Variants in ABCC9 observed in about 807,000 individuals in gnomAD.
The protein encoded by ABCC9 is ATP binding cassette subfamily C member 9.
A neutral mutation model predicts 188.3 loss-of-function variants in ABCC9; 95 were observed. The observed-to-expected ratio is 0.50, with a 90% confidence interval of 0.43 to 0.60. The LOEUF is 0.60. Ranked by LOEUF, ABCC9 falls within the 20% of genes least tolerant of loss-of-function variation. ABCC9 has a pLI of 0.00. For synonymous variants in ABCC9, 659 were observed against 652.7 expected, an observed-to-expected ratio of 1.01 and a Z score of -0.15; for missense variants, 1,102 against 1,876.3, an observed-to-expected ratio of 0.59 and a Z score of 7.62.
chr12:21,828,329 T>TTG, intron 31 of ABCC9: 1 of 155,660 alleles, frequency 6.4e-6, no homozygotes, highest in East Asian at 1.9e-4. Flanking sequence ...GAAAGACATT[T>TTG]CTTGAATGCA....
At chr12:21,844,701 C>G (rs1944550717) in intron 27 of ABCC9, 66 bp downstream of exon 27, 1 of 1,602,482 alleles carries the variant, frequency 6.2e-7, no homozygotes, top group Non-Finnish European at 8.5e-7. Context: ...TCACATTCCA[C>G]TTAAATTGAA....
At chr12:21,853,140 C>A (rs535464288) in intron 22 of ABCC9, among the ~76,000 whole-genome samples, 22 of 152,174 alleles carry the variant, frequency 1.4e-4, no homozygotes, top group African/African-American at 4.6e-4. Context: ...CATGGTGAAG[C>A]CCTGTCCTAC....
chr12:21,864,438 C>G lies in ABCC9; in HGVS notation c.2237+1G>C, dbSNP rs1178925696. ...AACTCAGGTTAAAATAGAAATAATA[C>G]CTTCTGGTTGCTTCAAAAGAAGGCT... On this transcript the variant is annotated splice_donor_variant, in intron 19 of 39. Transcript: ENST00000261200. LOFTEE classifies it high-confidence loss of function. 1 of 1,580,488 alleles carries G rather than the reference C, an allele frequency of 6.3e-7. No individual in the cohort carries two copies. Among genetic ancestry groups the G allele is most frequent in the African/African-American group, 1.3e-5 (1 of 74,144 alleles).
Position 21,896,083 on chromosome 12 carries a change from T to C in ABCC9, c.1619-768A>G, listed in dbSNP as rs549630198. ...GAGAAGCTAGAATCTAATTTTCTTTTTTTTTTTTTTTTTTTACTTTTCTTT... is the reference window on the plus strand; with the variant it reads ...GAGAAGCTAGAATCTAATTTTCTTTCTTTTTTTTTTTTTTTACTTTTCTTT... On this transcript the variant is annotated intron_variant, in intron 12 of 39. Transcript: ENST00000261200. 5.3e-3 allele frequency among the ~76,000 whole-genome samples: 416 copies of C among 77,768 alleles called. 4 individuals carry two copies. Among genetic ancestry groups the C allele is most frequent in the African/African-American group, 0.013 (396 of 29,432 alleles). The allele number at this position is 77,768 out of a possible 152,430, so 51.0% of individuals were successfully genotyped here. A position where few individuals can be genotyped will look rare whatever the true frequency, so the allele number is the denominator to read the frequency against.
rs1488726376 is a variant in ABCC9, at chr12:21,863,037, A to C, written c.2255T>G (p.Val752Gly). ...CCAAGGCTTTTGAGCTGCATATGCC[A>C]CAGAGTACCTGTTCCTACTGAAAAA... Reference protein sequence around the residue: ...EATRSRNRYSVAYAAQKPWLL... With the variant: ...EATRSRNRYSGAYAAQKPWLL... Residue 752 changes from valine to glycine, a missense_variant, in exon 20 of 40, where the codon GTG (valine) becomes GGG (glycine). By Grantham distance (109) the Val-to-Gly change is moderately radical (BLOSUM62 -3). Around this residue, in one of 12 missense-constraint regions of ABCC9, gnomAD observed 258 missense variants for 325.6 expected, o/e 0.79. Coordinates refer to ENST00000261200, the MANE Select transcript of ABCC9 (RefSeq NM_020297.4). 6.2e-7 allele frequency: 1 copy of C among 1,610,832 alleles called. No homozygotes were observed. The highest frequency in any genetic ancestry group is 2.2e-5 in the East Asian group (1 of 44,812).
At chr12:21,802,611 C>T (rs1941533083) in intron 39 of ABCC9, among the ~76,000 whole-genome samples, 1 of 152,148 alleles carries the variant, frequency 6.6e-6, no homozygotes, top group Non-Finnish European at 1.5e-5. Context: ...TGGCACTTCT[C>T]AATTCGAACT....
Position 21,857,001 on chromosome 12 carries a change from A to C in ABCC9, c.2505+2585T>G, listed in dbSNP as rs550744606. Among the ~76,000 whole-genome samples, 57 of 152,322 alleles carry C rather than the reference A, an allele frequency of 3.7e-4. 1 individual carries two copies. The highest frequency in any genetic ancestry group is 1.3e-3 in the African/African-American group (55 of 41,588). ...CTCTCTCAGCACTGTGATGAGAATC[A>C]AATGGGATAATACTGTACCTTGTGA... is the stretch of plus-strand genomic sequence containing the variant. On this transcript the variant is annotated intron_variant, in intron 22 of 39. Coordinates refer to ENST00000261200, the MANE Select transcript of ABCC9 (RefSeq NM_020297.4).
At chr12:21,841,347 CTTTTTTTTTTTTTTTT>C (rs1174314931) in intron 29 of ABCC9, among the ~76,000 whole-genome samples, 3 of 19,604 alleles carry the variant, frequency 1.5e-4, no homozygotes, top group Non-Finnish European at 2.8e-4. Context: ...TTCTGGTTTC[CTTTTTTTTTTTTTTTT>C]TTTTTTTTTT....
intron 9 of ABCC9, 21 bp from the exon 10 acceptor site, chr12:21,910,333 AGTAC>A: frequency 6.4e-7 from 1 of 1,560,076 alleles, no homozygotes; most frequent in Non-Finnish European, 8.7e-7. Flanking sequence ...AAAAAAAAAG[AGTAC>A]ATAAAGCTCT....
intron 30 of ABCC9, among the ~76,000 whole-genome samples, chr12:21,830,927 C>T (rs1243865484): frequency 6.6e-6 from 1 of 151,910 alleles, no homozygotes; most frequent in Admixed American, 6.6e-5. Flanking sequence ...GGGGGATGTT[C>T]AAAGGGTTAT....
intron 5 of ABCC9, among the ~76,000 whole-genome samples, chr12:21,919,075 A>G (rs1340330559): frequency 2.0e-5 from 3 of 152,150 alleles, no homozygotes; most frequent in Non-Finnish European, 4.4e-5. Context: ...AGGAAAATTT[A>G]CAGCTTTAGA....
chr12:21,867,219 G>A (rs1340967748), intron 18 of ABCC9, among the ~76,000 whole-genome samples: 2 of 151,912 alleles, frequency 1.3e-5, no homozygotes, highest in Non-Finnish European at 2.9e-5. Flanking sequence ...TACCTATTCC[G>A]GCCCTCTCAC....
intron 36 of ABCC9, 100 bp downstream of exon 36, chr12:21,811,949 T>C: frequency 1.2e-6 from 1 of 821,138 alleles, no homozygotes. Context: ...TGCCTTGATA[T>C]CAGTTCACTC....
intron 24 of ABCC9, among the ~76,000 whole-genome samples, chr12:21,850,454 C>T (rs1343453411): frequency 2.0e-5 from 3 of 152,226 alleles, no homozygotes; most frequent in Middle Eastern, 3.4e-3. Flanking sequence ...ATTCTGGCTT[C>T]TACTGGCTGC....
rs951063618 is a variant in ABCC9, at chr12:21,809,725, T to A, written c.4315+127A>T. 35 of 661,524 alleles carry A rather than the reference T, an allele frequency of 5.3e-5. 1 individual carries two copies. The East Asian group carries it at 9.5e-4, about 18-fold the overall frequency. The allele number at this position is 661,524 out of a possible 1,614,324, so 41.0% of individuals were successfully genotyped here. On this transcript the variant is annotated intron_variant, in intron 37 of 39. Coordinates refer to ENST00000261200, the MANE Select transcript of ABCC9 (RefSeq NM_020297.4). ...GATTTTGAAATATTCTAATGACTTTTAGGATATTATTTTAAATATAAGGGG... is the reference window on the plus strand; with the variant it reads ...GATTTTGAAATATTCTAATGACTTTAAGGATATTATTTTAAATATAAGGGG...
At chr12:21,924,195 G>A (rs913271995) in intron 5 of ABCC9, 1 of 191,042 alleles carries the variant, frequency 5.2e-6, no homozygotes, top group Non-Finnish European at 1.1e-5. Context: ...TAAGATCGCT[G>A]TGTTTCATGT....
At chr12:21,823,604 G>T (rs933678035) in intron 31 of ABCC9, among the ~76,000 whole-genome samples, 5 of 152,186 alleles carry the variant, frequency 3.3e-5, no homozygotes, top group African/African-American at 1.2e-4. Flanking sequence ...GCTTCTTCAT[G>T]TGAATTTTCT....
Position 21,887,907 on chromosome 12 carries a change from C to T in ABCC9, c.1830G>A (p.Leu610=). ...AACTGTCGTCACCAATCTCATCACT[C>T]AAGAGAAACTCATTCAGCTTTTGAA... ...ISVQKLNEFL[L]SDEIGDDSWR... is the part of the protein sequence containing the mutation. Residue 610 remains leucine (L), a synonymous_variant, in exon 15 of 40, where the codon TTG becomes TTA. Transcript: ENST00000261200. The T allele has an allele frequency of 6.2e-7, 1 of 1,613,344 alleles. No individual in the cohort carries two copies. Among genetic ancestry groups the T allele is most frequent in the Middle Eastern group, 1.7e-4 (1 of 6,056 alleles).
intron 33 of ABCC9, among the ~76,000 whole-genome samples, chr12:21,816,931 T>G (rs1942685495): frequency 6.6e-6 from 1 of 152,164 alleles, no homozygotes; most frequent in Admixed American, 6.6e-5. Context: ...CAGCAATTAA[T>G]GTAATAAATC....
Sources: gnomAD v4.1 joint callset for allele counts (sites outside exome capture counted in the v4.1 genomes callset) on GRCh38, gnomAD v4.1.1 for gene constraint, gnomAD v4.1.1 regional missense constraint, MANE v1.5 for transcripts, NCBI Gene and HGNC (gene_info 2026-07-23, HGNC 2026-07-21) for gene names.